WDR72: variants seen among roughly 807,000 people sequenced by gnomAD.
WDR72 encodes the protein WD repeat domain 72, also known as WD repeat-containing protein 72.
In WDR72, 120 loss-of-function variants were observed where a neutral mutation model predicts 124.2. That is an observed-to-expected ratio of 0.97 (90% confidence interval 0.83 to 1.12). The LOEUF is 1.12. WDR72 is among the 50% of genes most tolerant of loss of function. The pLI is 0.00. For missense variants in WDR72, 1,387 were observed against 1,278.8 expected, an observed-to-expected ratio of 1.08 and a Z score of -1.29; for synonymous variants, 452 against 441.7, an observed-to-expected ratio of 1.02 and a Z score of -0.29.
chr15:53,661,189 A>G (rs1359365888), intron 14 of WDR72, among the ~76,000 whole-genome samples: 1 of 152,100 alleles, frequency 6.6e-6, no homozygotes. Context: ...TTCTAAGCCT[A>G]TTTTTTCTGT....
At chr15:53,758,247 T>C (rs976257246) in intron 1 of WDR72, among the ~76,000 whole-genome samples, 3 of 152,124 alleles carry the variant, frequency 2.0e-5, no homozygotes, top group Non-Finnish European at 4.4e-5. Flanking sequence ...GCGATCCACC[T>C]ACCTTGGCCT....
intron 16 of WDR72, among the ~76,000 whole-genome samples, chr15:53,613,053 G>A (rs928380394): frequency 2.4e-4 from 37 of 152,096 alleles, no homozygotes; most frequent in African/African-American, 8.9e-4. Context: ...AAAAAGAATC[G>A]CAAGGTTCTT....
At chr15:53,668,972 AGG>A (rs2015884860) in intron 13 of WDR72, among the ~76,000 whole-genome samples, 1 of 102,324 alleles carries the variant, frequency 9.8e-6, no homozygotes, top group African/African-American at 3.2e-5. Context: ...AAGGAGGAGG[AGG>A]AGGAGAAGGA....
chr15:53,624,929 C>A lies in WDR72; in HGVS notation c.1963-8686G>T, dbSNP rs113791884. 3.8e-3 allele frequency among the ~76,000 whole-genome samples: 575 copies of A among 152,218 alleles called. 2 individuals are homozygous for A. The highest frequency in any genetic ancestry group is 0.013 in the African/African-American group (555 of 41,540). On this transcript the variant is annotated intron_variant, in intron 14 of 19. Coordinates refer to ENST00000360509, the MANE Select transcript of WDR72 (RefSeq NM_182758.4). ...ATAATATATATTTTCTGAGTTTTCA[C>A]ATTTTATAGATTGGGCAGACACAAT...
chr15:53,585,259 G>T (rs1595775789), intron 18 of WDR72, among the ~76,000 whole-genome samples: 1 of 152,012 alleles, frequency 6.6e-6, no homozygotes, highest in East Asian at 1.9e-4. Context: ...TGAAGGGGAA[G>T]CAGGCACCTT....
chr15:53,635,402 G>T (rs2014586697), intron 14 of WDR72, among the ~76,000 whole-genome samples: 1 of 152,070 alleles, frequency 6.6e-6, no homozygotes, highest in Admixed American at 6.6e-5. Flanking sequence ...TTCAGAATTG[G>T]GGCCATTTTT....
chr15:53,641,978 G>GA (rs534998966), intron 14 of WDR72, among the ~76,000 whole-genome samples: 12 of 151,570 alleles, frequency 7.9e-5, no homozygotes, highest in African/African-American at 1.4e-4. Flanking sequence ...TAAGCTGTCA[G>GA]AAAAAAATGT....
chr15:53,751,166 A>C (rs2018764694), intron 1 of WDR72, among the ~76,000 whole-genome samples: 2 of 152,128 alleles, frequency 1.3e-5, no homozygotes, highest in South Asian at 4.1e-4. Context: ...CAGCTACTTG[A>C]GAGGCTAAGA....
intron 13 of WDR72, among the ~76,000 whole-genome samples, chr15:53,675,450 TTTC>T (rs1445240231): frequency 1.3e-5 from 2 of 152,194 alleles, no homozygotes; most frequent in Non-Finnish European, 2.9e-5. Context: ...CAGCCAAGTG[TTTC>T]TTAAGTATAA....
At chr15:53,629,205 A>C (rs1373917908) in intron 14 of WDR72, among the ~76,000 whole-genome samples, 1 of 138,684 alleles carries the variant, frequency 7.2e-6, no homozygotes, top group Non-Finnish European at 1.5e-5. Context: ...AGAGAGAGAG[A>C]GAGAGAGTGA....
At chr15:53,699,700 T>C in intron 13 of WDR72, 50 bp downstream of exon 13, 1 of 1,589,716 alleles carries the variant, frequency 6.3e-7, no homozygotes, top group Non-Finnish European at 8.6e-7. Flanking sequence ...GGTCAAATGC[T>C]TGTACATCAT....
chr15:53,585,536 G>A lies in WDR72; in HGVS notation c.3148+11543C>T, dbSNP rs8039090. Among the ~76,000 whole-genome samples, 1,447 of 152,058 alleles carry A rather than the reference G, an allele frequency of 9.5e-3. 33 individuals are homozygous for A. The highest frequency in any genetic ancestry group is 0.034 in the African/African-American group (1,395 of 41,502). ...TATTGGGTACTCACTTTCCTGTGAT[G>A]CCCCCATGCATATAATAAATTGGTA... On this transcript the variant is annotated intron_variant, in intron 18 of 19. Transcript: ENST00000360509.
In WDR72 at chr15:53,689,196, A is replaced by C. The variant is rs566547950; in HGVS notation, c.1765+10554T>G. 2.0e-5 allele frequency among the ~76,000 whole-genome samples: 3 copies of C among 152,082 alleles called. No individual in the cohort carries two copies. In the South Asian group the frequency reaches 6.2e-4, roughly 32 times the overall value. ...TAAAACACCAAAAGCAATGCCAACA[A>C]AAGCCAAAATTGACAAATGGGATCT... On this transcript the variant is annotated intron_variant, in intron 13 of 19. Coordinates refer to ENST00000360509, the MANE Select transcript of WDR72 (RefSeq NM_182758.4).
intron 1 of WDR72, among the ~76,000 whole-genome samples, chr15:53,758,818 C>T (rs966216330): frequency 6.9e-6 from 1 of 144,592 alleles, no homozygotes; most frequent in Non-Finnish European, 1.5e-5. Flanking sequence ...TACCATACAC[C>T]TACGTTTTGT....
intron 18 of WDR72, among the ~76,000 whole-genome samples, chr15:53,578,700 G>C (rs78600256): frequency 0.017 from 2,555 of 152,036 alleles, 51 homozygotes; most frequent in East Asian, 0.11. Flanking sequence ...TATCCTAAGA[G>C]AAAAGAGAAG....
In WDR72 at chr15:53,684,965, A is replaced by C. The variant is rs527432479; in HGVS notation, c.1765+14785T>G. Among the ~76,000 whole-genome samples, 201 of 152,218 alleles carry C rather than the reference A, an allele frequency of 1.3e-3. 1 individual carries two copies. Among genetic ancestry groups the C allele is most frequent in the South Asian group, 3.5e-3 (17 of 4,820 alleles). On this transcript the variant is annotated intron_variant, in intron 13 of 19. Transcript: ENST00000360509. ...AGCAGGGGCACACTGACACCTCACA[A>C]GGCAAGGTATTCCAACAGACCTGCA...
At chr15:53,688,296 T>G (rs1305617465) in intron 13 of WDR72, among the ~76,000 whole-genome samples, 1 of 148,772 alleles carries the variant, frequency 6.7e-6, no homozygotes, top group South Asian at 2.1e-4. Context: ...GACGACATGA[T>G]TGTATATCTA....
At chr15:53,637,803 A>G (rs568804084) in intron 14 of WDR72, among the ~76,000 whole-genome samples, 1 of 152,264 alleles carries the variant, frequency 6.6e-6, no homozygotes, top group African/African-American at 2.4e-5. Flanking sequence ...GACTTTCTGT[A>G]TCATATTTTT....
intron 14 of WDR72, among the ~76,000 whole-genome samples, chr15:53,634,124 T>C (rs1474095971): frequency 6.6e-6 from 1 of 152,336 alleles, no homozygotes; most frequent in East Asian, 1.9e-4. Flanking sequence ...CAATGTAAGT[T>C]ATAAAATATT....
Sources: allele counts gnomAD v4.1 joint callset (sites outside exome capture counted in the v4.1 genomes callset), GRCh38; gene constraint gnomAD v4.1.1; transcripts MANE v1.5; gene names NCBI Gene and HGNC (gene_info 2026-07-23, HGNC 2026-07-21).